BTBD9: variants seen among roughly 807,000 people sequenced by gnomAD.
BTBD9 encodes the protein BTB/POZ domain-containing protein 9.
BTBD9 carries 49 observed loss-of-function variants against 64.3 expected under a neutral mutation model. That is an observed-to-expected ratio of 0.76 (90% CI 0.61 to 0.97). The LOEUF is 0.97. Among genes scored for constraint, BTBD9 ranks in the 50% least tolerant of loss-of-function variants. The pLI is 0.00. For synonymous variants in BTBD9, 260 were observed against 274.7 expected, an observed-to-expected ratio of 0.95 and a Z score of 0.53; for missense variants, 598 against 762.1, an observed-to-expected ratio of 0.78 and a Z score of 2.53.
chr6:38,225,110 G>T (rs769078272), intron 9 of BTBD9, among the ~76,000 whole-genome samples: 1 of 152,168 alleles, frequency 6.6e-6, no homozygotes, highest in African/African-American at 2.4e-5. Flanking sequence ...GCCCCTCAAG[G>T]CAGCCTTTGC....
chr6:38,581,639 C>A lies in BTBD9; in HGVS notation c.815-1202G>T, dbSNP rs188333495. 2.9e-4 allele frequency among the ~76,000 whole-genome samples: 44 copies of A among 152,274 alleles called. No individual in the cohort carries two copies. In the Middle Eastern group the frequency reaches 0.01, roughly 35 times the overall value. ...ACACTCTCCATGGAAAGACAAGAGG[C>A]TGCAGAAAGATATTAAGAGCTTGAA... On this transcript the variant is annotated intron_variant, in intron 4 of 10. Transcript: ENST00000481247.
chr6:38,289,876 C>T (rs1308109683), intron 7 of BTBD9, among the ~76,000 whole-genome samples: 1 of 152,006 alleles, frequency 6.6e-6, no homozygotes, highest in Non-Finnish European at 1.5e-5. Context: ...AGGTGAGGGC[C>T]TTTTAAGTCC....
intron 2 of BTBD9, among the ~76,000 whole-genome samples, chr6:38,594,803 T>C (rs1394580665): frequency 1.3e-5 from 2 of 152,270 alleles, no homozygotes; most frequent in Non-Finnish European, 2.9e-5. Flanking sequence ...TTCTTTGATA[T>C]GCTGCTTTGA....
At chr6:38,512,797 C>T (rs571287107) in intron 6 of BTBD9, among the ~76,000 whole-genome samples, 4 of 152,176 alleles carry the variant, frequency 2.6e-5, no homozygotes, top group Admixed American at 6.5e-5. Flanking sequence ...TATATAAATA[C>T]GTTTAGCTAT....
In BTBD9 at chr6:38,482,933, A is replaced by G. The variant is rs9366962; in HGVS notation, c.1154+94667T>C. On this transcript the variant is annotated intron_variant, in intron 6 of 10. Transcript: ENST00000481247. ...TCTGCCTTTCCTCCTGTTACAGGAA[A>G]AGAAGGAACCTCAATTCTACCTAAA... Among the ~76,000 whole-genome samples the G allele has an allele frequency of 8.8e-3, 1,339 of 152,208 alleles. 77 individuals are homozygous for G. The East Asian group carries it at 0.17, about 20-fold the overall frequency.
chr6:38,188,714 G>A (rs1218833680), intron 10 of BTBD9, among the ~76,000 whole-genome samples: 1 of 152,170 alleles, frequency 6.6e-6, no homozygotes, highest in Non-Finnish European at 1.5e-5. Flanking sequence ...AATCCCTAAT[G>A]GAATGGGATT....
At chr6:38,477,083 T>C (rs1207302762) in intron 6 of BTBD9, among the ~76,000 whole-genome samples, 2 of 152,158 alleles carry the variant, frequency 1.3e-5, no homozygotes, top group Non-Finnish European at 2.9e-5. Flanking sequence ...AGGGGATGCA[T>C]CACAAAGACA....
chr6:38,395,567 T>C (rs1440562898), intron 6 of BTBD9, among the ~76,000 whole-genome samples: 2 of 152,196 alleles, frequency 1.3e-5, no homozygotes, highest in African/African-American at 2.4e-5. Context: ...CTGTGAGAAA[T>C]AAATTTCTGC....
chr6:38,443,668 C>T (rs897654510), intron 6 of BTBD9, among the ~76,000 whole-genome samples: 3 of 152,172 alleles, frequency 2.0e-5, no homozygotes, highest in Non-Finnish European at 4.4e-5. Context: ...CACTCATTTC[C>T]ACCTCTTACC....
At chr6:38,223,229 AC>A (rs1171205648) in intron 9 of BTBD9, among the ~76,000 whole-genome samples, 1 of 152,178 alleles carries the variant, frequency 6.6e-6, no homozygotes, top group African/African-American at 2.4e-5. Context: ...TTAGATTATC[AC>A]GACAAACAAG....
At chr6:38,363,352 G>A (rs566381627) in intron 6 of BTBD9, among the ~76,000 whole-genome samples, 2 of 152,306 alleles carry the variant, frequency 1.3e-5, no homozygotes, top group South Asian at 4.1e-4. Context: ...GAGGCCAGGA[G>A]TTCAAGAACA....
At chr6:38,323,850 G>C (rs563232741) in intron 7 of BTBD9, among the ~76,000 whole-genome samples, 3 of 140,580 alleles carry the variant, frequency 2.1e-5, no homozygotes, top group Non-Finnish European at 4.9e-5. Flanking sequence ...TGTAATTCCA[G>C]CACTTTAGGA....
intron 9 of BTBD9, among the ~76,000 whole-genome samples, chr6:38,226,248 A>G (rs1241691434): frequency 6.6e-6 from 1 of 152,192 alleles, no homozygotes. Context: ...CTGATAAGAT[A>G]CTGATCCCCG....
intron 5 of BTBD9, among the ~76,000 whole-genome samples, chr6:38,579,166 G>T: frequency 6.6e-6 from 1 of 152,026 alleles, no homozygotes; most frequent in South Asian, 2.1e-4. Flanking sequence ...GATAACCTGG[G>T]GATCTCACAC....
chr6:38,389,019 T>C (rs897545934), intron 6 of BTBD9, among the ~76,000 whole-genome samples: 2 of 152,230 alleles, frequency 1.3e-5, no homozygotes, highest in Non-Finnish European at 2.9e-5. Flanking sequence ...TTTAGCTCTA[T>C]GTAATGTACC....
intron 9 of BTBD9, among the ~76,000 whole-genome samples, chr6:38,227,688 A>G (rs1294859556): frequency 2.0e-5 from 3 of 152,196 alleles, no homozygotes; most frequent in African/African-American, 7.2e-5. Flanking sequence ...TCCTTTATGT[A>G]TGCAGCTCTG....
At chr6:38,233,775 C>G (rs1174738080) in intron 9 of BTBD9, among the ~76,000 whole-genome samples, 1 of 152,204 alleles carries the variant, frequency 6.6e-6, no homozygotes, top group East Asian at 1.9e-4. Flanking sequence ...ACTTGTGAAC[C>G]TGAATTCGGC....
intron 6 of BTBD9, among the ~76,000 whole-genome samples, chr6:38,550,084 T>C (rs1375035706): frequency 6.6e-6 from 1 of 152,182 alleles, no homozygotes; most frequent in African/African-American, 2.4e-5. Flanking sequence ...TCTAAATTTA[T>C]GTATCCAGCG....
chr6:38,302,336 T>C (rs1257633273), intron 7 of BTBD9, among the ~76,000 whole-genome samples: 2 of 151,836 alleles, frequency 1.3e-5, no homozygotes, highest in Non-Finnish European at 2.9e-5. Context: ...AGATCAACTT[T>C]ACACTTCACA....
Sources: gnomAD v4.1 joint callset for allele counts (sites outside exome capture counted in the v4.1 genomes callset) on GRCh38, gnomAD v4.1.1 for gene constraint, MANE v1.5 for transcripts, NCBI Gene and HGNC (gene_info 2026-07-23, HGNC 2026-07-21) for gene names.